TGS1: variants seen among roughly 807,000 people sequenced by gnomAD.
The protein encoded by TGS1 is trimethylguanosine synthase 1, also known as trimethylguanosine synthase.
In TGS1, 69 loss-of-function variants were observed where a neutral mutation model predicts 92.2. The ratio of observed to expected loss-of-function variants is 0.75; its 90% CI spans 0.62 to 0.91. The LOEUF is 0.91. Ranked by LOEUF, TGS1 falls within the 40% of genes least tolerant of loss-of-function variation. The pLI, the probability that TGS1 is intolerant of heterozygous loss-of-function variation, is 0.00. For missense variants in TGS1, 1,062 were observed against 1,001.2 expected, an observed-to-expected ratio of 1.06 and a Z score of -0.82; for synonymous variants, 345 against 338.1, an observed-to-expected ratio of 1.02 and a Z score of -0.22.
At chr8:55,775,208 C>T (rs376630523) in intron 1 of TGS1, among the ~76,000 whole-genome samples, 4 of 148,948 alleles carry the variant, frequency 2.7e-5, no homozygotes, top group South Asian at 2.1e-4. Flanking sequence ...TAGCCATTGT[C>T]GTGCCTGGAT....
chr8:55,824,436 A>C (rs1803737369), intron 12 of TGS1, 145 bp from the exon 13 acceptor site: 2 of 958,184 alleles, frequency 2.1e-6, no homozygotes, highest in African/African-American at 1.7e-5. Context: ...ATGCCTGGGA[A>C]GTAGCAGTGA....
chr8:55,789,580 C>T (rs958792088), intron 4 of TGS1, among the ~76,000 whole-genome samples: 1 of 151,914 alleles, frequency 6.6e-6, no homozygotes, highest in Non-Finnish European at 1.5e-5. Context: ...CATTTTTAAA[C>T]CTGTTAAAAA....
chr8:55,813,289 C>G (rs149690296), intron 12 of TGS1, among the ~76,000 whole-genome samples, 171 bp downstream of exon 12: 1 of 152,178 alleles, frequency 6.6e-6, no homozygotes, highest in Non-Finnish European at 1.5e-5. Context: ...TCTATTACAT[C>G]GTCTTCATTT....
intron 10 of TGS1, among the ~76,000 whole-genome samples, chr8:55,808,033 C>T (rs531238876): frequency 1.1e-3 from 164 of 152,284 alleles, no homozygotes; most frequent in African/African-American, 3.7e-3. Flanking sequence ...AGTCCTTGCT[C>T]GGTCTAGTCA....
At chr8:55,803,948 C>T (rs1049116977) in intron 9 of TGS1, among the ~76,000 whole-genome samples, 5 of 152,210 alleles carry the variant, frequency 3.3e-5, no homozygotes, top group Non-Finnish European at 7.4e-5. Context: ...CCCAGCACAT[C>T]ATTTTGTTCA....
At chr8:55,806,356 C>CAAAAAAAAAAAAAAAAAAAAAAAAAA in intron 10 of TGS1, among the ~76,000 whole-genome samples, 1 of 39,006 alleles carries the variant, frequency 2.6e-5, no homozygotes, top group Middle Eastern at 0.014. Flanking sequence ...GACTCCACCT[C>CAAAAAAAAAAAAAAAAAAAAAAAAAA]AAAAAAAAAA....
chr8:55,789,714 T>A (rs762187907), intron 4 of TGS1, among the ~76,000 whole-genome samples: 1 of 152,112 alleles, frequency 6.6e-6, no homozygotes, highest in African/African-American at 2.4e-5. Flanking sequence ...GGGATAACAT[T>A]TATGGACAGA....
chr8:55,803,307 C>G (rs1346233725), intron 9 of TGS1, among the ~76,000 whole-genome samples: 1 of 152,180 alleles, frequency 6.6e-6, no homozygotes, highest in Non-Finnish European at 1.5e-5. Flanking sequence ...ATTTTGAATT[C>G]TTTCTCCAGC....
intron 11 of TGS1, among the ~76,000 whole-genome samples, chr8:55,812,751 T>G (rs1253469974): frequency 6.6e-6 from 1 of 152,078 alleles, no homozygotes; most frequent in Non-Finnish European, 1.5e-5. Context: ...AAATAAAATT[T>G]AGAGTGTAGA....
At chr8:55,785,122 T>A (rs1811672663) in intron 2 of TGS1, among the ~76,000 whole-genome samples, 1 of 151,714 alleles carries the variant, frequency 6.6e-6, no homozygotes, top group Non-Finnish European at 1.5e-5. Flanking sequence ...TGGGGTGCAG[T>A]GGCACAATCT....
In TGS1 at chr8:55,810,982, T is replaced by A; in HGVS notation, c.2245T>A (p.Leu749Met). 2 of 1,614,242 alleles carry A rather than the reference T, an allele frequency of 1.2e-6. No individual in the cohort carries two copies. Among genetic ancestry groups the A allele is most frequent in the Non-Finnish European group, 1.7e-6 (2 of 1,180,038 alleles). The change falls in exon 11 of 13, where the codon TTG (leucine) becomes ATG (methionine). Residue 749 changes from leucine to methionine, a missense_variant. Leu to Met is a conservative substitution (Grantham distance 15). Transcript: ENST00000260129. Reference protein sequence around the residue: ...DKIEFICGDFLLLASFLKADV... With the variant: ...DKIEFICGDFMLLASFLKADV... ...GATAGAGTTCATCTGTGGAGATTTC[T>A]TGCTGCTGGCTTCTTTTTTAAAGGC...
intron 12 of TGS1, 72 bp downstream of exon 12, chr8:55,813,190 A>ACATTCTCTGG: frequency 9.3e-7 from 1 of 1,078,738 alleles, no homozygotes. Context: ...GATACAGGAC[A>ACATTCTCTGG]TATCCTTACC....
chr8:55,824,907 A>G lies in TGS1; in HGVS notation c.*204A>G. On this transcript the variant is annotated 3_prime_UTR_variant, in exon 13 of 13. Coordinates refer to ENST00000260129, the MANE Select transcript of TGS1 (RefSeq NM_024831.8). ...TTTAGAGGAATTATACAAAATTAATATATATGAGTCCTTTGTAATTTATTT... is the reference window on the plus strand; with the variant it reads ...TTTAGAGGAATTATACAAAATTAATGTATATGAGTCCTTTGTAATTTATTT... 1 of 558,622 alleles carries G rather than the reference A, an allele frequency of 1.8e-6. No individual in the cohort carries two copies. Among genetic ancestry groups the G allele is most frequent in the Non-Finnish European group, 3.0e-6 (1 of 329,848 alleles). 34.6% of individuals were successfully genotyped at this position (558,622 alleles called of 1,614,324 possible).
In TGS1 at chr8:55,826,049, A is replaced by G. The variant is rs1490029214; in HGVS notation, c.*1346A>G. On this transcript the variant is annotated 3_prime_UTR_variant, in exon 13 of 13. Coordinates refer to ENST00000260129, the MANE Select transcript of TGS1 (RefSeq NM_024831.8). ...ATATTTTTAGTAGCTATGGGGTTTC[A>G]CCGTGTTAGCCAGGATGGTCTCGAT... Among the ~76,000 whole-genome samples the G allele has an allele frequency of 2.0e-5, 3 of 151,696 alleles. No individual in the cohort carries two copies. The highest frequency in any genetic ancestry group is 6.6e-5 in the Admixed American group (1 of 15,216).
In TGS1 at chr8:55,775,337, TTGTAGAC is replaced by T. The variant is rs1224729681; in HGVS notation, c.101+1620_101+1626del. Among the ~76,000 whole-genome samples, 18 of 152,202 alleles carry T rather than the reference TTGTAGAC, an allele frequency of 1.2e-4. No homozygotes were observed. In the South Asian group the frequency reaches 3.3e-3, roughly 28 times the overall value. ...AGGCAGGGTCAAAACCCGCAGGACT[TTGTAGAC>T]TATAGGAAAACCTTAAGCTGGGGAA... On this transcript the variant is annotated intron_variant, in intron 1 of 12. Coordinates refer to ENST00000260129, the MANE Select transcript of TGS1 (RefSeq NM_024831.8).
intron 8 of TGS1, among the ~76,000 whole-genome samples, chr8:55,801,912 A>C (rs921117110): frequency 6.6e-6 from 1 of 151,888 alleles, no homozygotes; most frequent in African/African-American, 2.4e-5. Flanking sequence ...ATTGGAGTTT[A>C]GGCCAGGCAC....
At chr8:55,799,272 T>C (rs780012098) in intron 8 of TGS1, 52 bp downstream of exon 8, 2 of 1,492,238 alleles carry the variant, frequency 1.3e-6, no homozygotes, top group East Asian at 4.7e-5. Context: ...AAATTTTTTT[T>C]GTTAATATGT....
At position 55,775,763 on chromosome 8, in the gene TGS1, A is replaced by G. The variant is rs1036555786; in HGVS notation, c.101+2044A>G. ...TGGGCTAGTTTTAAAAACTTGAGCC[A>G]TTTAGCCTTAGATAGTGATTGAACC... On this transcript the variant is annotated intron_variant, in intron 1 of 12. Coordinates refer to ENST00000260129, the MANE Select transcript of TGS1 (RefSeq NM_024831.8). 6.2e-5 allele frequency among the ~76,000 whole-genome samples: 9 copies of G among 146,158 alleles called. No homozygotes were observed. The South Asian group carries it at 1.3e-3, about 21-fold the overall frequency.
intron 8 of TGS1, among the ~76,000 whole-genome samples, chr8:55,801,988 A>G (rs1388169404): frequency 6.6e-6 from 1 of 152,036 alleles, no homozygotes; most frequent in East Asian, 1.9e-4. Context: ...AGCTCGGGAG[A>G]TCAAGACCAT....
Sources: gnomAD v4.1 joint callset for allele counts (sites outside exome capture counted in the v4.1 genomes callset) on GRCh38, gnomAD v4.1.1 for gene constraint, MANE v1.5 for transcripts, NCBI Gene and HGNC (gene_info 2026-07-23, HGNC 2026-07-21) for gene names.